MMP26: variants seen among roughly 807,000 people sequenced by gnomAD.
MMP26 encodes the protein matrix metallopeptidase 26, also known as matrix metalloproteinase-26.
Under a neutral mutation model 31.0 loss-of-function variants are expected in MMP26, and 33 were observed. That is an observed-to-expected ratio of 1.06 (90% CI 0.81 to 1.42). The LOEUF (loss-of-function observed/expected upper bound fraction) is 1.42, where lower values mean the gene tolerates loss of function less well. Ranked by LOEUF, MMP26 falls within the 40% of genes most tolerant of loss-of-function variation. MMP26 has a pLI of 0.00. For missense variants in MMP26, 347 were observed against 316.1 expected (o/e 1.10, Z -0.74); for synonymous variants, 122 against 114.9 (o/e 1.06, Z -0.40).
At chr11:4,804,034 C>T (rs753152757) in intron 2 of MMP26, 1 of 1,613,896 alleles carries the variant, frequency 6.2e-7, no homozygotes. Flanking sequence ...CATGAGCACC[C>T]CAGACTCCAC....
intron 2 of MMP26, among the ~76,000 whole-genome samples, chr11:4,932,986 AAAAC>A (rs753431844): frequency 2.0e-5 from 3 of 152,294 alleles, no homozygotes; most frequent in Non-Finnish European, 1.5e-5. Flanking sequence ...GGACACAGAT[AAAAC>A]AAACAATGAC....
intron 2 of MMP26, among the ~76,000 whole-genome samples, chr11:4,836,307 T>C (rs1849718191): frequency 1.3e-5 from 2 of 152,154 alleles, no homozygotes; most frequent in South Asian, 4.1e-4. Flanking sequence ...AGCATTATAA[T>C]AAATGCTGTG....
chr11:4,894,308 C>T (rs977577197), intron 2 of MMP26, among the ~76,000 whole-genome samples: 1 of 152,106 alleles, frequency 6.6e-6, no homozygotes, highest in Non-Finnish European at 1.5e-5. Context: ...TCTCAAAGAA[C>T]AGATATTGTT....
At chr11:4,982,174 G>A (rs1846823639) in intron 2 of MMP26, among the ~76,000 whole-genome samples, 1 of 151,746 alleles carries the variant, frequency 6.6e-6, no homozygotes, top group Admixed American at 6.6e-5. Flanking sequence ...AAATTTTAGT[G>A]TAGTAAATAC....
intron 2 of MMP26, chr11:4,822,267 T>C: frequency 6.4e-7 from 1 of 1,565,204 alleles, no homozygotes; most frequent in Non-Finnish European, 8.7e-7. Flanking sequence ...CCAATGTCTT[T>C]CTGCTAATCC....
intron 2 of MMP26, among the ~76,000 whole-genome samples, chr11:4,893,121 C>T (rs1262115145): frequency 6.6e-6 from 1 of 151,898 alleles, no homozygotes; most frequent in African/African-American, 2.4e-5. Flanking sequence ...TTTCCCCAGT[C>T]TGTATACAAG....
intron 2 of MMP26, among the ~76,000 whole-genome samples, chr11:4,926,090 G>A (rs1851268275): frequency 6.6e-6 from 1 of 152,058 alleles, no homozygotes; most frequent in Non-Finnish European, 1.5e-5. Flanking sequence ...ACATTGAAGG[G>A]CCTCTACTGA....
intron 1 of MMP26, among the ~76,000 whole-genome samples, chr11:4,727,216 C>T (rs1214690807): frequency 6.6e-6 from 1 of 151,992 alleles, no homozygotes; most frequent in Admixed American, 6.5e-5. Context: ...ACTCCATTTG[C>T]TTTAAAGGTA....
In MMP26 at chr11:4,985,023, C is replaced by T. The variant is rs149807240; in HGVS notation, c.-144-3045C>T. Among the ~76,000 whole-genome samples, 908 of 152,084 alleles carry T rather than the reference C, an allele frequency of 6.0e-3. 7 individuals are homozygous for T. The highest frequency in any genetic ancestry group is 0.018 in the African/African-American group (747 of 41,488). ...TTGAATAAGTTTTAGTCATTTTCAC[C>T]TTGTTTCTTTCATTGTGATTCCACT... On this transcript the variant is annotated intron_variant, in intron 2 of 7. Transcript: ENST00000380390.
intron 2 of MMP26, among the ~76,000 whole-genome samples, chr11:4,968,821 A>G (rs2133628476): frequency 6.6e-6 from 1 of 152,118 alleles, no homozygotes; most frequent in African/African-American, 2.4e-5. Context: ...CCTCTTTACA[A>G]GCAATCTATA....
At chr11:4,827,177 C>T (rs1162584646) in intron 2 of MMP26, among the ~76,000 whole-genome samples, 1 of 152,088 alleles carries the variant, frequency 6.6e-6, no homozygotes, top group African/African-American at 2.4e-5. Flanking sequence ...AAAAGATTTG[C>T]GGTGATGCAC....
At chr11:4,923,335 G>T in intron 2 of MMP26, 2 of 1,516,224 alleles carry the variant, frequency 1.3e-6, no homozygotes, top group Non-Finnish European at 1.8e-6. Context: ...ACAGAAACCT[G>T]TGGGCTTTAT....
chr11:4,778,133 T>C (rs950065952), intron 2 of MMP26, among the ~76,000 whole-genome samples: 4 of 152,068 alleles, frequency 2.6e-5, no homozygotes, highest in Non-Finnish European at 1.5e-5. Flanking sequence ...AAGTGTCATT[T>C]CTGTTTTTGT....
intron 2 of MMP26, chr11:4,908,123 G>A (rs201232951): frequency 6.2e-7 from 1 of 1,614,118 alleles, no homozygotes; most frequent in East Asian, 2.2e-5. Context: ...CACCTTCTAT[G>A]TGCCCATCAT....
In MMP26 at chr11:4,946,921, G is replaced by A. The variant is rs145567503; in HGVS notation, c.-144-41147G>A. 7 of 1,606,450 alleles carry A rather than the reference G, an allele frequency of 4.4e-6. No homozygotes were observed. In the African/African-American group the frequency reaches 5.5e-5, roughly 13 times the overall value. ...CCAACATGGAAAGAAAATAGTACATGGGCTCATGCAAGGAGGGCTCTGTCT... is the reference window on the plus strand; with the variant it reads ...CCAACATGGAAAGAAAATAGTACATAGGCTCATGCAAGGAGGGCTCTGTCT... On this transcript the variant is annotated intron_variant, in intron 2 of 7. Coordinates refer to ENST00000380390, the MANE Select transcript of MMP26 (RefSeq NM_021801.5).
Position 4,888,053 on chromosome 11 carries a change from T to A in MMP26, c.-144-100015T>A, listed in dbSNP as rs764169870. On this transcript the variant is annotated intron_variant, in intron 2 of 7. Coordinates refer to ENST00000380390, the MANE Select transcript of MMP26 (RefSeq NM_021801.5). ...TAAGAATATTTTGCCATATAAAATA[T>A]GTAAGACTAGTTGAACCTTCTTCAA... Among the ~76,000 whole-genome samples, 30 of 152,234 alleles carry A rather than the reference T, an allele frequency of 2.0e-4. 1 individual carries two copies. Among genetic ancestry groups the A allele is most frequent in the Middle Eastern group, 6.8e-3 (2 of 294 alleles).
At position 4,826,877 on chromosome 11, in the gene MMP26, C is replaced by T. The variant is rs552496495; in HGVS notation, c.-145+59536C>T. Among the ~76,000 whole-genome samples the T allele has an allele frequency of 3.6e-4, 55 of 152,254 alleles. No homozygotes were observed. In the South Asian group the frequency reaches 0.01, roughly 28 times the overall value. On this transcript the variant is annotated intron_variant, in intron 2 of 7. Coordinates refer to ENST00000380390, the MANE Select transcript of MMP26 (RefSeq NM_021801.5). ...GCCTTATCAAATACGTCTCGGGATA[C>T]TCAACCCAGGAAAATAAAAAGACAG...
chr11:4,882,858 G>A, intron 2 of MMP26: 3 of 1,612,930 alleles, frequency 1.9e-6, no homozygotes, highest in Non-Finnish European at 2.5e-6. Flanking sequence ...TTTAATGTGA[G>A]GGGTCTTAGG....
intron 2 of MMP26, among the ~76,000 whole-genome samples, chr11:4,854,913 C>A (rs571289886): frequency 2.0e-5 from 3 of 152,324 alleles, no homozygotes; most frequent in Admixed American, 6.5e-5. Flanking sequence ...GCAATATTTG[C>A]TGTTCTGCAG....
Sources: gnomAD v4.1 joint callset for allele counts (sites outside exome capture counted in the v4.1 genomes callset) on GRCh38, gnomAD v4.1.1 for gene constraint, MANE v1.5 for transcripts, NCBI Gene and HGNC (gene_info 2026-07-23, HGNC 2026-07-21) for gene names.